Variants in RBM20 observed in about 807,000 individuals in gnomAD.
The protein encoded by RBM20 is RNA-binding protein 20.
In RBM20, 51 loss-of-function variants were observed where a neutral mutation model predicts 110.1. The ratio of observed to expected loss-of-function variants is 0.46; its 90% CI spans 0.37 to 0.59. The LOEUF (loss-of-function observed/expected upper bound fraction) is 0.59, where lower values mean the gene tolerates loss of function less well. RBM20 is among the 20% of genes least tolerant of loss of function. The probability of loss-of-function intolerance (pLI) is 0.00; values close to 1 mark genes in which losing one functional copy is unlikely to be tolerated. For missense variants in RBM20, 1,512 were observed against 1,574.9 expected, an observed-to-expected ratio of 0.96 and a Z score of 0.68; for synonymous variants, 589 against 618.2, an observed-to-expected ratio of 0.95 and a Z score of 0.70.
chr10:110,669,258 A>C (rs984004295), intron 1 of RBM20, among the ~76,000 whole-genome samples: 2 of 152,192 alleles, frequency 1.3e-5, no homozygotes, highest in Non-Finnish European at 1.5e-5. Context: ...CCTGAGAGGG[A>C]AGCACTGGGA....
chr10:110,738,068 G>A (rs1352918309), intron 1 of RBM20, among the ~76,000 whole-genome samples: 5 of 152,190 alleles, frequency 3.3e-5, no homozygotes, highest in Non-Finnish European at 2.9e-5. Context: ...AGAAGCAGAT[G>A]TGGTTTCTGC....
intron 1 of RBM20, among the ~76,000 whole-genome samples, chr10:110,700,269 G>A (rs912279981): frequency 3.3e-5 from 5 of 152,132 alleles, no homozygotes; most frequent in African/African-American, 1.2e-4. Context: ...GACAAGGTTG[G>A]CTGGGTTTAT....
At chr10:110,677,908 C>T (rs1862362455) in intron 1 of RBM20, among the ~76,000 whole-genome samples, 1 of 152,126 alleles carries the variant, frequency 6.6e-6, no homozygotes. Flanking sequence ...AGATGTTGCT[C>T]CTTCACAGCT....
intron 1 of RBM20, among the ~76,000 whole-genome samples, chr10:110,710,780 A>T: frequency 6.6e-6 from 1 of 152,248 alleles, no homozygotes; most frequent in Non-Finnish European, 1.5e-5. Context: ...CTCCTGGCAC[A>T]GGAGAAGGAG....
intron 1 of RBM20, among the ~76,000 whole-genome samples, chr10:110,767,836 C>T (rs1192020194): frequency 6.6e-6 from 1 of 152,210 alleles, no homozygotes; most frequent in Non-Finnish European, 1.5e-5. Context: ...ACGCTCCTCA[C>T]TTTCCAGACT....
intron 1 of RBM20, among the ~76,000 whole-genome samples, chr10:110,689,369 C>T (rs1033011505): frequency 2.6e-5 from 4 of 152,206 alleles, no homozygotes; most frequent in African/African-American, 9.6e-5. Flanking sequence ...CAAGTAAACA[C>T]ATGCACAAAC....
intron 1 of RBM20, chr10:110,756,493 C>T (rs1843922923): frequency 6.6e-6 from 1 of 152,200 alleles, no homozygotes; most frequent in Non-Finnish European, 1.5e-5. Flanking sequence ...TTTGTCATCC[C>T]ATTGCTCACG....
chr10:110,720,144 C>G (rs989632105), intron 1 of RBM20, among the ~76,000 whole-genome samples: 2 of 152,212 alleles, frequency 1.3e-5, no homozygotes, highest in Non-Finnish European at 2.9e-5. Flanking sequence ...CTGATACCAT[C>G]ACAATGCAGG....
intron 1 of RBM20, among the ~76,000 whole-genome samples, chr10:110,691,008 A>G (rs773700458): frequency 6.6e-6 from 1 of 152,220 alleles, no homozygotes; most frequent in Non-Finnish European, 1.5e-5. Context: ...TTGAGATACT[A>G]ACCCCCCATG....
At chr10:110,766,304 A>G (rs1341750013) in intron 1 of RBM20, among the ~76,000 whole-genome samples, 1 of 147,610 alleles carries the variant, frequency 6.8e-6, no homozygotes, top group Non-Finnish European at 1.5e-5. Flanking sequence ...TCTACTCTGC[A>G]GTAACTTTGT....
At chr10:110,778,683 A>T (rs1344607930) in intron 1 of RBM20, among the ~76,000 whole-genome samples, 1 of 152,246 alleles carries the variant, frequency 6.6e-6, no homozygotes, top group African/African-American at 2.4e-5. Flanking sequence ...ATTCCAGTTC[A>T]TCAACATCCT....
At chr10:110,805,316 A>G (rs1844680555) in intron 7 of RBM20, among the ~76,000 whole-genome samples, 1 of 152,214 alleles carries the variant, frequency 6.6e-6, no homozygotes, top group African/African-American at 2.4e-5. Context: ...CAGAGCTTCC[A>G]GGCAGGAGTC....
At chr10:110,664,322 G>A (rs912106065) in intron 1 of RBM20, among the ~76,000 whole-genome samples, 43 of 152,304 alleles carry the variant, frequency 2.8e-4, no homozygotes, top group Admixed American at 2.0e-3. Context: ...CCTGTGAGAA[G>A]TACTCAGAAG....
At chr10:110,646,781 G>A (rs1251348376) in intron 1 of RBM20, among the ~76,000 whole-genome samples, 1 of 152,230 alleles carries the variant, frequency 6.6e-6, no homozygotes. Flanking sequence ...GGAGTTATGA[G>A]GTGTGGTTTG....
chr10:110,754,917 T>C (rs1391305943), intron 1 of RBM20, among the ~76,000 whole-genome samples: 2 of 152,218 alleles, frequency 1.3e-5, no homozygotes, highest in African/African-American at 4.8e-5. Context: ...TCACTAGTTA[T>C]TGCCCGTAAA....
chr10:110,719,845 C>G (rs1359294149), intron 1 of RBM20, among the ~76,000 whole-genome samples: 1 of 152,176 alleles, frequency 6.6e-6, no homozygotes, highest in Non-Finnish European at 1.5e-5. Context: ...CATTCCTCCT[C>G]CTTCTCCCAC....
chr10:110,722,465 G>T (rs1843520042), intron 1 of RBM20, among the ~76,000 whole-genome samples: 1 of 152,142 alleles, frequency 6.6e-6, no homozygotes, highest in African/African-American at 2.4e-5. Context: ...CATCCTTGGT[G>T]TTGTGTATTC....
chr10:110,654,947 A>C (rs977444923), intron 1 of RBM20, among the ~76,000 whole-genome samples: 3 of 152,248 alleles, frequency 2.0e-5, no homozygotes, highest in Non-Finnish European at 4.4e-5. Context: ...TACTTCAACA[A>C]TAATCCTGTG....
intron 1 of RBM20, among the ~76,000 whole-genome samples, chr10:110,714,700 G>A (rs1862990437): frequency 1.3e-5 from 2 of 152,222 alleles, no homozygotes; most frequent in South Asian, 2.1e-4. Flanking sequence ...AGTACCAGGT[G>A]AGGCAGTCCT....
Sources: gnomAD v4.1 joint callset for allele counts (sites outside exome capture counted in the v4.1 genomes callset) on GRCh38, gnomAD v4.1.1 for gene constraint, MANE v1.5 for transcripts, NCBI Gene and HGNC (gene_info 2026-07-23, HGNC 2026-07-21) for gene names.